The following THBS4 variants were observed in gnomAD, a reference collection of about 807,000 sequenced individuals.
THBS4 encodes thrombospondin 4, also known as thrombospondin-4.
A neutral mutation model predicts 115.7 loss-of-function variants in THBS4; 90 were observed. The ratio of observed to expected loss-of-function variants is 0.78; its 90% CI spans 0.66 to 0.93. The LOEUF (loss-of-function observed/expected upper bound fraction) is 0.93, where lower values mean the gene tolerates loss of function less well. Among genes scored for constraint, THBS4 ranks in the 40% least tolerant of loss-of-function variants. The pLI is 0.00. For missense variants in THBS4, 1,087 were observed against 1,232.7 expected, an observed-to-expected ratio of 0.88 and a Z score of 1.77; for synonymous variants, 460 against 479.3, an observed-to-expected ratio of 0.96 and a Z score of 0.53.
At position 80,067,936 on chromosome 5, in the gene THBS4, A is replaced by T. The variant is rs145786338; in HGVS notation, c.1195-37A>T. The T allele has an allele frequency of 3.7e-6, 6 of 1,606,342 alleles. No homozygotes were observed. In the Admixed American group the frequency reaches 1.0e-4, roughly 28 times the overall value. Reference sequence around the variant, plus strand: ...TTGCTCAAACTGTACCTTTGCCCACAGCTTTCAGCTCATCACCTGATCTTT... The same window carrying T: ...TTGCTCAAACTGTACCTTTGCCCACTGCTTTCAGCTCATCACCTGATCTTT... On this transcript the variant is annotated intron_variant, in intron 9 of 21. Transcript: ENST00000350881.
In THBS4 at chr5:80,078,956, T is replaced by C; in HGVS notation, c.2301T>C (p.Pro767=). 2 of 1,614,184 alleles carry C rather than the reference T, an allele frequency of 1.2e-6. No individual in the cohort carries two copies. Among genetic ancestry groups the C allele is most frequent in the Non-Finnish European group, 1.7e-6 (2 of 1,180,004 alleles). ...MEIVQTMNSD[P]GLAVGYTAFN... is the part of the protein sequence containing the mutation. The stretch of plus-strand genomic sequence containing the variant: ...TTGTACAGACCATGAACAGTGATCC[T>C]GGCCTGGCAGTGGGTATGTCCAGGG... The change falls in exon 18 of 22, where the codon CCT becomes CCC. Residue 767 remains proline, a synonymous_variant. Coordinates refer to ENST00000350881, the MANE Select transcript of THBS4 (RefSeq NM_003248.6).
chr5:80,071,216 T>C, intron 13 of THBS4, 36 bp downstream of exon 13: 1 of 1,554,058 alleles, frequency 6.4e-7, no homozygotes, highest in Non-Finnish European at 8.6e-7. Context: ...TATTTGGAAT[T>C]CAGTTGACCT....
chr5:79,991,621 A>G (rs983806261), intron 1 of THBS4, among the ~76,000 whole-genome samples: 4 of 152,236 alleles, frequency 2.6e-5, no homozygotes, highest in Non-Finnish European at 4.4e-5. Context: ...GGAGGCACTC[A>G]GTAATTGTTC....
At chr5:80,064,086 T>C (rs1479710612) in intron 8 of THBS4, among the ~76,000 whole-genome samples, 1 of 152,150 alleles carries the variant, frequency 6.6e-6, no homozygotes, top group African/African-American at 2.4e-5. Flanking sequence ...AACCACCTTA[T>C]CAATTACAAG....
At chr5:79,999,474 A>G (rs1437577655) in intron 2 of THBS4, among the ~76,000 whole-genome samples, 1 of 152,190 alleles carries the variant, frequency 6.6e-6, no homozygotes, top group Non-Finnish European at 1.5e-5. Context: ...ATATGATCCC[A>G]TTTTCTGAAA....
In THBS4 at chr5:80,039,637, A is replaced by C. The variant is rs541486918; in HGVS notation, c.89-440A>C. On this transcript the variant is annotated intron_variant, in intron 1 of 21. Transcript: ENST00000350881. Reference sequence around the variant, plus strand: ...CTGTCATTTGTCACTGACCAGGAAAACACAATTGGCTCTGGTCCTGGAGGT... The same window carrying C: ...CTGTCATTTGTCACTGACCAGGAAACCACAATTGGCTCTGGTCCTGGAGGT... 8.5e-5 allele frequency among the ~76,000 whole-genome samples: 13 copies of C among 152,326 alleles called. No individual in the cohort carries two copies. The South Asian group carries it at 2.7e-3, about 32-fold the overall frequency.
chr5:80,059,573 G>C, intron 6 of THBS4, 82 bp downstream of exon 6: 1 of 1,593,406 alleles, frequency 6.3e-7, no homozygotes, highest in Non-Finnish European at 8.6e-7. Flanking sequence ...TGTGTTGACC[G>C]CAGTTTCTGA....
chr5:80,065,622 GAA>G, intron 9 of THBS4, 145 bp downstream of exon 9: 1 of 592,538 alleles, frequency 1.7e-6, no homozygotes, highest in Non-Finnish European at 2.7e-6. Context: ...AGTTTGTGCT[GAA>G]AAAGTGTTTA....
intron 15 of THBS4, chr5:80,075,147 T>G (rs1743136130): frequency 6.6e-6 from 1 of 152,150 alleles, no homozygotes; most frequent in Non-Finnish European, 1.5e-5. Context: ...GGTTTCTTAT[T>G]TGTATTTTTT....
At chr5:80,008,245 A>T (rs1832055322) in intron 2 of THBS4, among the ~76,000 whole-genome samples, 1 of 152,232 alleles carries the variant, frequency 6.6e-6, no homozygotes, top group African/African-American at 2.4e-5. Context: ...ATTAAGATGT[A>T]AATGTGGGTC....
intron 17 of THBS4, 47 bp from the exon 18 acceptor site, chr5:80,078,874 C>G: frequency 6.3e-7 from 1 of 1,586,972 alleles, no homozygotes; most frequent in South Asian, 1.1e-5. Context: ...CTTAAGGTTA[C>G]TTGGCCCCTT....
chr5:80,037,051 T>C (rs965653903), intron 1 of THBS4, among the ~76,000 whole-genome samples: 2 of 152,200 alleles, frequency 1.3e-5, no homozygotes, highest in African/African-American at 4.8e-5. Context: ...CCCATACTTC[T>C]AGGAAGGTAA....
chr5:80,011,661 A>G (rs1192093074), intron 2 of THBS4, among the ~76,000 whole-genome samples: 1 of 152,202 alleles, frequency 6.6e-6, no homozygotes, highest in Non-Finnish European at 1.5e-5. Flanking sequence ...AGTGAGGACT[A>G]CACCAAACTT....
intron 8 of THBS4, among the ~76,000 whole-genome samples, chr5:80,064,651 G>A (rs1833750373): frequency 6.6e-6 from 1 of 152,196 alleles, no homozygotes; most frequent in Admixed American, 6.5e-5. Flanking sequence ...AGGATCACCT[G>A]AGTCTGGGAG....
intron 4 of THBS4, 115 bp downstream of exon 4, chr5:80,058,429 G>GT (rs1342348748): frequency 1.4e-6 from 1 of 735,114 alleles, no homozygotes; most frequent in Non-Finnish European, 2.2e-6. Context: ...CCAACAAAAC[G>GT]TATCTATGAA....
chr5:80,016,632 A>G (rs1344633397), intron 2 of THBS4, among the ~76,000 whole-genome samples: 1 of 152,194 alleles, frequency 6.6e-6, no homozygotes, highest in African/African-American at 2.4e-5. Context: ...TACACATATT[A>G]TTGTATTTAG....
chr5:80,021,257 T>A (rs1352882721), intron 2 of THBS4, among the ~76,000 whole-genome samples: 2 of 152,212 alleles, frequency 1.3e-5, no homozygotes, highest in Admixed American at 1.3e-4. Flanking sequence ...TTTTTCTTCA[T>A]ATACTTTAAC....
intron 6 of THBS4, 39 bp from the exon 7 acceptor site, chr5:80,059,664 T>C (rs1833558295): frequency 6.2e-7 from 1 of 1,608,950 alleles, no homozygotes; most frequent in African/African-American, 1.3e-5. Flanking sequence ...TATATCTTCC[T>C]GGCGGTGAAT....
rs1446016005 is a variant in THBS4 at position 80,059,620 on chromosome 5, T to G, written c.785-83T>G. On this transcript the variant is annotated intron_variant, in intron 6 of 21. Transcript: ENST00000350881. ...ATAGTTGGAGGGGAGGGAGGAAAAG[T>G]TCAATAGGAAACCAAATTTTGTTTT... The G allele has an allele frequency of 3.8e-6, 6 of 1,597,734 alleles. No individual in the cohort carries two copies. In the African/African-American group the frequency reaches 8.1e-5, roughly 21 times the overall value.
Sources: allele counts gnomAD v4.1 joint callset (sites outside exome capture counted in the v4.1 genomes callset), GRCh38; gene constraint gnomAD v4.1.1; transcripts MANE v1.5; gene names NCBI Gene and HGNC (gene_info 2026-07-23, HGNC 2026-07-21).